Variants in JARID2 observed in about 807,000 individuals in gnomAD.
The protein encoded by JARID2 is jumonji and AT-rich interaction domain containing 2.
JARID2 carries 21 observed loss-of-function variants against 125.6 expected under a neutral mutation model. The observed-to-expected ratio is 0.17, with a 90% CI of 0.12 to 0.24. The LOEUF is 0.24. Ranked by LOEUF, JARID2 falls within the 10% of genes least tolerant of loss-of-function variation. JARID2 has a pLI of 1.00. For missense variants in JARID2, 1,303 were observed against 1,639.6 expected (o/e 0.79, Z 3.55); for synonymous variants, 736 against 661.6 (o/e 1.11, Z -1.73).
At chr6:15,388,749 T>C (rs1764886714) in intron 2 of JARID2, among the ~76,000 whole-genome samples, 2 of 152,110 alleles carry the variant, frequency 1.3e-5, no homozygotes, top group Non-Finnish European at 2.9e-5. Flanking sequence ...CTCTTGTGTT[T>C]CATGGTAACT....
chr6:15,317,150 A>C (rs556943817), intron 1 of JARID2, among the ~76,000 whole-genome samples: 11 of 152,320 alleles, frequency 7.2e-5, no homozygotes, highest in African/African-American at 2.6e-4. Context: ...ATTTAGCAGT[A>C]GAATTTTTTT....
chr6:15,501,269 T>A lies in JARID2; in HGVS notation c.2308T>A (p.Phe770Ile), dbSNP rs1044393903. 1.9e-6 allele frequency: 3 copies of A among 1,613,476 alleles called. No homozygotes were observed. In the African/African-American group the frequency reaches 4.0e-5, roughly 22 times the overall value. The change falls in exon 8 of 18, where the codon TTC becomes ATC. Residue 770 changes from phenylalanine to isoleucine, a missense_variant. This residue lies in a region of JARID2 where 124 missense variants were observed against 131.0 expected (regional missense o/e 0.95). Transcript: ENST00000341776. ...LIHGVAPRNG[F>I]RSKLKEVGQA... ...CCACGGCGTGGCCCCCAGGAACGGC[T>A]TCCGCAGCAAGCTCAAGGAGGTGGG... is the stretch of plus-strand genomic sequence containing the variant.
intron 4 of JARID2, among the ~76,000 whole-genome samples, chr6:15,466,103 C>T (rs1346244758): frequency 6.6e-6 from 1 of 152,168 alleles, no homozygotes; most frequent in African/African-American, 2.4e-5. Context: ...CACGCCCAGC[C>T]TTATTGCTGT....
intron 1 of JARID2, among the ~76,000 whole-genome samples, chr6:15,330,008 A>C (rs1434137104): frequency 6.6e-6 from 1 of 152,188 alleles, no homozygotes; most frequent in African/African-American, 2.4e-5. Flanking sequence ...CTGTGATTAA[A>C]CTTGACATTC....
intron 16 of JARID2, among the ~76,000 whole-genome samples, chr6:15,513,897 T>G (rs924194530): frequency 2.0e-5 from 3 of 152,226 alleles, no homozygotes; most frequent in Non-Finnish European, 2.9e-5. Context: ...AGCTACATGA[T>G]CTGCCTCAGC....
chr6:15,434,737 TA>T (rs1286272632), intron 3 of JARID2, among the ~76,000 whole-genome samples: 1 of 152,246 alleles, frequency 6.6e-6, no homozygotes, highest in Non-Finnish European at 1.5e-5. Flanking sequence ...TTTCCTCATC[TA>T]TCAGAAGGAG....
At chr6:15,332,825 T>C (rs1388041651) in intron 1 of JARID2, among the ~76,000 whole-genome samples, 1 of 152,208 alleles carries the variant, frequency 6.6e-6, no homozygotes, top group Non-Finnish European at 1.5e-5. Context: ...TGTCTACTCC[T>C]TGTTTCTTAA....
At chr6:15,367,607 ATGCCACATT>A (rs1764024917) in intron 1 of JARID2, among the ~76,000 whole-genome samples, 2 of 152,222 alleles carry the variant, frequency 1.3e-5, no homozygotes, top group Non-Finnish European at 1.5e-5. Context: ...CTGACTACCA[ATGCCACATT>A]TGCGTCAAGA....
At chr6:15,499,259 G>A (rs1279335490) in intron 7 of JARID2, among the ~76,000 whole-genome samples, 5 of 152,198 alleles carry the variant, frequency 3.3e-5, no homozygotes, top group Admixed American at 2.6e-4. Flanking sequence ...CAGCAGATGT[G>A]CCTTCTGCCT....
At chr6:15,263,551 T>C (rs1487446846) in intron 1 of JARID2, among the ~76,000 whole-genome samples, 3 of 151,984 alleles carry the variant, frequency 2.0e-5, no homozygotes, top group Non-Finnish European at 4.4e-5. Flanking sequence ...CCCAAGTTGG[T>C]GTGAAATTGT....
chr6:15,521,569 A>G lies in JARID2; in HGVS notation c.*1318A>G, dbSNP rs1197825017. 1 of 152,204 alleles carries G rather than the reference A, an allele frequency of 6.6e-6. No individual in the cohort carries two copies. The highest frequency in any genetic ancestry group is 1.5e-5 in the Non-Finnish European group (1 of 68,044). 9.4% of individuals were successfully genotyped at this position (152,204 alleles called of 1,614,324 possible). A position where few individuals can be genotyped will look rare whatever the true frequency, so the allele number is the denominator to read the frequency against. On this transcript the variant is annotated 3_prime_UTR_variant, in exon 18 of 18. Transcript: ENST00000341776. ...AACAACAAAAAAATAATAATGGAGT[A>G]GCTGTTGCCCTTCTCCGGTTGTGTG...
chr6:15,339,538 C>CTT (rs1217012038), intron 1 of JARID2, among the ~76,000 whole-genome samples: 3 of 122,816 alleles, frequency 2.4e-5, no homozygotes, highest in Non-Finnish European at 5.2e-5. Flanking sequence ...ACCCGCCCTG[C>CTT]TTTTTTTTTT....
At chr6:15,452,448 G>A (rs942902671) in intron 4 of JARID2, among the ~76,000 whole-genome samples, 2 of 151,962 alleles carry the variant, frequency 1.3e-5, no homozygotes, top group Admixed American at 6.6e-5. Flanking sequence ...TTCTAACTTT[G>A]ACTTCTAATT....
At chr6:15,284,606 C>T (rs1760922080) in intron 1 of JARID2, among the ~76,000 whole-genome samples, 1 of 151,734 alleles carries the variant, frequency 6.6e-6, no homozygotes, top group African/African-American at 2.4e-5. Context: ...CCTGCCTCAG[C>T]CTCCCAAGTA....
chr6:15,485,767 A>G (rs1307649876), intron 5 of JARID2, among the ~76,000 whole-genome samples: 1 of 152,238 alleles, frequency 6.6e-6, no homozygotes, highest in Non-Finnish European at 1.5e-5. Flanking sequence ...AAAAGAGGAC[A>G]GTATTTGCAA....
chr6:15,372,018 T>TC (rs1764189080), intron 1 of JARID2, among the ~76,000 whole-genome samples: 1 of 152,236 alleles, frequency 6.6e-6, no homozygotes, highest in African/African-American at 2.4e-5. Flanking sequence ...GATGGAGAAT[T>TC]ACTCTCATTC....
chr6:15,315,959 G>A (rs776256836), intron 1 of JARID2, among the ~76,000 whole-genome samples: 5 of 151,680 alleles, frequency 3.3e-5, no homozygotes, highest in East Asian at 1.9e-4. Context: ...GTGACTGAGG[G>A]CATAAGCTGG....
chr6:15,284,511 C>CTTTT (rs11286654), intron 1 of JARID2, among the ~76,000 whole-genome samples: 1 of 140,300 alleles, frequency 7.1e-6, no homozygotes, highest in African/African-American at 2.6e-5. Flanking sequence ...TTTTATAATC[C>CTTTT]TTTTTTTTTT....
chr6:15,415,469 C>T (rs1175400470), intron 3 of JARID2, among the ~76,000 whole-genome samples: 3 of 146,110 alleles, frequency 2.1e-5, no homozygotes, highest in South Asian at 2.2e-4. Context: ...CCCTCCCGCA[C>T]GGGGCGGCTG....
Sources: allele counts gnomAD v4.1 joint callset (sites outside exome capture counted in the v4.1 genomes callset), GRCh38; gene constraint gnomAD v4.1.1; regional missense constraint gnomAD v4.1.1; transcripts MANE v1.5; gene names NCBI Gene and HGNC (gene_info 2026-07-23, HGNC 2026-07-21).